The following PPP6R2 variants were observed in gnomAD, a reference collection of about 807,000 sequenced individuals.
The protein encoded by PPP6R2 is serine/threonine-protein phosphatase 6 regulatory subunit 2.
In PPP6R2, 62 loss-of-function variants were observed where a neutral mutation model predicts 100.2. That is an observed-to-expected ratio of 0.62 (90% CI 0.50 to 0.76). The LOEUF is 0.76. Among genes scored for constraint, PPP6R2 ranks in the 30% least tolerant of loss-of-function variants. The pLI, the probability that PPP6R2 is intolerant of heterozygous loss-of-function variation, is 0.00. For missense variants in PPP6R2, 1,142 were observed against 1,276.3 expected, an observed-to-expected ratio of 0.89 and a Z score of 1.60; for synonymous variants, 525 against 514.7, an observed-to-expected ratio of 1.02 and a Z score of -0.27.
intron 12 of PPP6R2, among the ~76,000 whole-genome samples, chr22:50,433,118 C>T (rs1316386449): frequency 1.3e-5 from 2 of 152,274 alleles, no homozygotes; most frequent in Admixed American, 6.5e-5. Context: ...GGTGAGCCTG[C>T]TGCACGTGGC....
At chr22:50,389,330 T>C (rs2054927463) in intron 2 of PPP6R2, among the ~76,000 whole-genome samples, 1 of 152,216 alleles carries the variant, frequency 6.6e-6, no homozygotes. Flanking sequence ...ATGGAAGGCC[T>C]TCCCTGTAGG....
rs181430853 is a variant in PPP6R2 at position 50,389,512 on chromosome 22, T to C, written c.-16-4381T>C. On this transcript the variant is annotated intron_variant, in intron 2 of 23. Transcript: ENST00000612753. ...ATTAGCTGTAACTAAACCAGTGCCA[T>C]TGCAGTGAACTCTTAAAGGATGTCT... Among the ~76,000 whole-genome samples the C allele has an allele frequency of 1.5e-3, 228 of 152,256 alleles. 1 individual carries two copies. Among genetic ancestry groups the C allele is most frequent in the African/African-American group, 5.3e-3 (220 of 41,566 alleles).
chr22:50,390,649 A>T (rs933278349), intron 2 of PPP6R2, among the ~76,000 whole-genome samples: 6 of 151,806 alleles, frequency 4.0e-5, no homozygotes, highest in African/African-American at 1.5e-4. Context: ...ATGAGAGTGA[A>T]ACTCCGTCTC....
intron 13 of PPP6R2, 63 bp downstream of exon 13, chr22:50,435,144 C>T (rs1049228210): frequency 4.7e-5 from 62 of 1,329,828 alleles, no homozygotes; most frequent in Admixed American, 2.3e-4. Flanking sequence ...AAGGAGCTGC[C>T]GCCTGAGACT....
intron 2 of PPP6R2, among the ~76,000 whole-genome samples, chr22:50,381,907 CA>C (rs369812450): frequency 0.012 from 1,105 of 95,638 alleles, 5 homozygotes; most frequent in South Asian, 0.038. Context: ...GACTCCGTCT[CA>C]AAAAAAAAAA....
chr22:50,397,311 A>G (rs2057106201), intron 3 of PPP6R2, among the ~76,000 whole-genome samples: 1 of 152,210 alleles, frequency 6.6e-6, no homozygotes, highest in Non-Finnish European at 1.5e-5. Flanking sequence ...AATCCAGGTC[A>G]GGATATCCAT....
At chr22:50,353,939 G>A (rs1157043262) in intron 1 of PPP6R2, among the ~76,000 whole-genome samples, 1 of 151,706 alleles carries the variant, frequency 6.6e-6, no homozygotes, top group African/African-American at 2.4e-5. Context: ...TTTTGGAATT[G>A]TAACGATAAC....
chr22:50,353,484 A>G (rs1464379436), intron 1 of PPP6R2, among the ~76,000 whole-genome samples: 1 of 152,182 alleles, frequency 6.6e-6, no homozygotes, highest in Non-Finnish European at 1.5e-5. Context: ...AAATAGTAAC[A>G]TCAAACATCA....
intron 1 of PPP6R2, among the ~76,000 whole-genome samples, chr22:50,358,211 C>T (rs968135200): frequency 6.6e-6 from 1 of 152,150 alleles, no homozygotes; most frequent in African/African-American, 2.4e-5. Flanking sequence ...CACCTTTAGC[C>T]TCCTGAGTCG....
At chr22:50,417,133 A>G (rs1282193788) in intron 6 of PPP6R2, among the ~76,000 whole-genome samples, 1 of 152,108 alleles carries the variant, frequency 6.6e-6, no homozygotes, top group Admixed American at 6.6e-5. Flanking sequence ...GTCTCACAAA[A>G]TACAGTCATC....
upstream of PPP6R2, among the ~76,000 whole-genome samples, chr22:50,340,898 T>G (rs565079327): frequency 1.2e-3 from 190 of 152,008 alleles, 1 homozygote; most frequent in Middle Eastern, 0.01. Context: ...GAAGATGTGA[T>G]GTGACCTATT....
At position 50,418,920 on chromosome 22, in the gene PPP6R2, C is replaced by A. The variant is rs1466414684; in HGVS notation, c.672C>A (p.Asp224Glu). 1.2e-5 allele frequency: 19 copies of A among 1,613,838 alleles called. No homozygotes were observed. The highest frequency in any genetic ancestry group is 1.4e-5 in the Non-Finnish European group (17 of 1,179,898). The part of the protein sequence containing the change: ...TLCDIVRLGR[D>E]QGSQLQEALE... Reference sequence around the variant, plus strand: ...GTGACATAGTTAGGCTGGGCAGAGACCAGGGCAGTCAGCTGCAAGAGGCTC... The same window carrying A: ...GTGACATAGTTAGGCTGGGCAGAGAACAGGGCAGTCAGCTGCAAGAGGCTC... Residue 224 changes from aspartate (D) to glutamate (E), a missense_variant, in exon 7 of 24, where the codon GAC (aspartate) becomes GAA (glutamate). Around this residue, in one of 2 missense-constraint regions of PPP6R2, gnomAD observed 592 missense variants for 758.9 expected, o/e 0.78. Transcript: ENST00000612753.
chr22:50,423,760 C>CT lies in PPP6R2; in HGVS notation c.1125+147dup. 2 of 1,021,436 alleles carry CT rather than the reference C, an allele frequency of 2.0e-6. No homozygotes were observed. The highest frequency in any genetic ancestry group is 2.7e-4 in the Middle Eastern group (1 of 3,710). The allele number at this position is 1,021,436 out of a possible 1,614,324, so 63.3% of individuals were successfully genotyped here. On this transcript the variant is annotated intron_variant, in intron 10 of 23. Coordinates refer to ENST00000612753, the MANE Select transcript of PPP6R2 (RefSeq NM_001242898.2). This position sits in a 1 kb window ranked among gnomAD's most constrained non-coding sequence, Gnocchi z 4.8. ...TCCAGTCCCAAGTCCCAAGGCTGGA[C>CT]TACAGGTCTCTGGCGGGGCACAGAG...
chr22:50,336,278 G>A, the PPP6R2 span, among the ~76,000 whole-genome samples: 3 of 152,136 alleles, frequency 2.0e-5, no homozygotes, highest in Non-Finnish European at 2.9e-5. Flanking sequence ...GTGAGTCACC[G>A]CGTCCAGCCT....
rs897696858 is a variant in PPP6R2, at chr22:50,431,718, C to T, written c.1335+336C>T. 6.6e-6 allele frequency among the ~76,000 whole-genome samples: 1 copy of T among 152,114 alleles called. No individual in the cohort carries two copies. ...AGCCAGCAGTGTCAGTGATGGGAGC[C>T]ACACGGTGGGGAGGGGATGCTGAGG... On this transcript the variant is annotated intron_variant, in intron 11 of 23. Coordinates refer to ENST00000612753, the MANE Select transcript of PPP6R2 (RefSeq NM_001242898.2). The surrounding 1 kb of genome is among the most constrained non-coding windows in gnomAD (Gnocchi z 4.8).
At chr22:50,432,116 G>A (rs747735940) in intron 11 of PPP6R2, 149 bp from the exon 12 acceptor site, 3 of 700,998 alleles carry the variant, frequency 4.3e-6, no homozygotes, top group African/African-American at 1.8e-5. Flanking sequence ...GGACCGCGGA[G>A]GCTGGGGCTG....
Position 50,431,123 on chromosome 22 carries a change from G to A in PPP6R2, c.1126-50G>A, listed in dbSNP as rs763158729. Reference sequence around the variant, plus strand: ...TTTCCCTCAGCTTTGTGGTGTAGCCGGCAGGAGAAAACCGATCTAAGAACT... The same window carrying A: ...TTTCCCTCAGCTTTGTGGTGTAGCCAGCAGGAGAAAACCGATCTAAGAACT... On this transcript the variant is annotated intron_variant, in intron 10 of 23. Coordinates refer to ENST00000612753, the MANE Select transcript of PPP6R2 (RefSeq NM_001242898.2). This position sits in a 1 kb window ranked among gnomAD's most constrained non-coding sequence, Gnocchi z 4.8. 52 of 1,465,146 alleles carry A rather than the reference G, an allele frequency of 3.5e-5. No individual in the cohort carries two copies. Among genetic ancestry groups the A allele is most frequent in the East Asian group, 1.6e-4 (7 of 43,680 alleles). The allele number at this position is 1,465,146 out of a possible 1,614,324, so 90.8% of individuals were successfully genotyped here.
chr22:50,365,734 TA>T (rs59277654), intron 1 of PPP6R2, among the ~76,000 whole-genome samples: 31,725 of 150,458 alleles, frequency 0.21, 4,875 homozygotes, highest in African/African-American at 0.43. Context: ...TATTTATTAT[TA>T]TTTTTTTAGA....
intron 10 of PPP6R2, among the ~76,000 whole-genome samples, chr22:50,427,405 T>C (rs541086893): frequency 2.4e-4 from 36 of 152,310 alleles, no homozygotes; most frequent in African/African-American, 8.7e-4. Context: ...TGTATGAATT[T>C]GGGGATGGGT....
Sources: allele counts gnomAD v4.1 joint callset (sites outside exome capture counted in the v4.1 genomes callset), GRCh38; gene constraint gnomAD v4.1.1; regional missense constraint gnomAD v4.1.1; non-coding constraint Gnocchi (gnomAD v3.1); transcripts MANE v1.5; gene names NCBI Gene and HGNC (gene_info 2026-07-23, HGNC 2026-07-21).